PTPRQ: variants seen among roughly 807,000 people sequenced by gnomAD.
PTPRQ encodes phosphatidylinositol phosphatase PTPRQ.
A neutral mutation model predicts 246.0 loss-of-function variants in PTPRQ; 199 were observed. The observed-to-expected ratio is 0.81, with a 90% CI of 0.72 to 0.91. The LOEUF is 0.91. Among genes scored for constraint, PTPRQ ranks in the 40% least tolerant of loss-of-function variants. The pLI is 0.00. For missense variants in PTPRQ, 2,624 were observed against 2,528.4 expected (o/e 1.04, Z -0.81); for synonymous variants, 869 against 853.2 (o/e 1.02, Z -0.32).
At chr12:80,504,178 C>T (rs1382449499) in intron 14 of PTPRQ, among the ~76,000 whole-genome samples, 1 of 151,632 alleles carries the variant, frequency 6.6e-6, no homozygotes, top group East Asian at 1.9e-4. Flanking sequence ...TCTCAACTGC[C>T]ATTTTATATT....
At chr12:80,481,237 C>T (rs1311753607) in intron 8 of PTPRQ, among the ~76,000 whole-genome samples, 3 of 152,124 alleles carry the variant, frequency 2.0e-5, no homozygotes, top group Non-Finnish European at 4.4e-5. Context: ...AATCAATAAA[C>T]ATAATCCAGC....
In PTPRQ at chr12:80,669,352, A is replaced by T. The variant is rs1358326311; in HGVS notation, c.6341A>T (p.Gln2114Leu). Residue 2114 changes from glutamine (Q) to leucine (L), a missense_variant, in exon 41 of 45, where the codon CAG (glutamine) becomes CTG (leucine). Transcript: ENST00000644991. ...CFEKGRIRCH[Q>L]YWPEDNKPVT... ...CTCTGAATGCAGATCAGATGCCATC[A>T]GTATTGGCCAGAGGACAACAAGCCA... 6.5e-7 allele frequency: 1 copy of T among 1,549,252 alleles called. No homozygotes were observed. Among genetic ancestry groups the T allele is most frequent in the Admixed American group, 2.0e-5 (1 of 50,748 alleles).
chr12:80,555,024 G>A lies in PTPRQ; in HGVS notation c.4285+5290G>A, dbSNP rs11114508. Among the ~76,000 whole-genome samples, 572 of 152,038 alleles carry A rather than the reference G, an allele frequency of 3.8e-3. 34 individuals carry two copies. The East Asian group carries it at 0.093, about 25-fold the overall frequency. On this transcript the variant is annotated intron_variant, in intron 25 of 44. Transcript: ENST00000644991. Reference sequence around the variant, plus strand: ...CACCTCTCAGGTTCAAGCAATTCTCGTGCCTCAGGACTCCCAAGTAGCTGA... The same window carrying A: ...CACCTCTCAGGTTCAAGCAATTCTCATGCCTCAGGACTCCCAAGTAGCTGA...
chr12:80,605,035 A>T (rs1426582428), intron 26 of PTPRQ, 24 bp from the exon 27 acceptor site: 1 of 1,529,374 alleles, frequency 6.5e-7, no homozygotes, highest in South Asian at 1.3e-5. Context: ...ATGTAGCTAG[A>T]TAATTAATTT....
chr12:80,512,596 T>C (rs1488322118), intron 17 of PTPRQ: 3 of 152,364 alleles, frequency 2.0e-5, no homozygotes, highest in Non-Finnish European at 4.4e-5. Flanking sequence ...AATTCTGATG[T>C]CATATAGAAC....
chr12:80,534,982 G>A lies in PTPRQ; in HGVS notation c.2930G>A (p.Gly977Glu). The A allele has an allele frequency of 1.3e-6, 2 of 1,548,366 alleles. No individual in the cohort carries two copies. Among genetic ancestry groups the A allele is most frequent in the South Asian group, 1.2e-5 (1 of 83,276 alleles). The change falls in exon 19 of 45, where the codon GGG becomes GAG. Residue 977 changes from glycine (G) to glutamate (E), a missense_variant. Physicochemically the swap from Gly to Glu is moderately conservative, Grantham distance 98. Coordinates refer to ENST00000644991, the MANE Select transcript of PTPRQ (RefSeq NM_001145026.2). ...TGGACACCTCCTTCAAAACCTAATG[G>A]GATTATACAATATTACTCTGTTTAT... is the stretch of plus-strand genomic sequence containing the variant. ...LFWTPPSKPN[G>E]IIQYYSVYYR...
At chr12:80,474,595 G>A (rs1033361729) in intron 8 of PTPRQ, among the ~76,000 whole-genome samples, 2 of 152,116 alleles carry the variant, frequency 1.3e-5, no homozygotes, top group African/African-American at 4.8e-5. Context: ...TTGATGAGTA[G>A]ATTTCTGCAT....
intron 3 of PTPRQ, among the ~76,000 whole-genome samples, chr12:80,456,679 A>G (rs1892992461): frequency 6.6e-6 from 1 of 152,130 alleles, no homozygotes; most frequent in Non-Finnish European, 1.5e-5. Flanking sequence ...CACACTTTAT[A>G]AATCATTCTT....
intron 16 of PTPRQ, among the ~76,000 whole-genome samples, chr12:80,507,778 A>T (rs1415209158): frequency 6.6e-6 from 1 of 151,902 alleles, no homozygotes; most frequent in East Asian, 1.9e-4. Context: ...TTTTCTTCAT[A>T]AATAGATTCT....
chr12:80,483,695 A>G, intron 8 of PTPRQ, among the ~76,000 whole-genome samples: 1 of 133,526 alleles, frequency 7.5e-6, no homozygotes, highest in Non-Finnish European at 1.5e-5. Context: ...TCAAAGTGTC[A>G]TCTACATTAG....
At chr12:80,644,996 G>A (rs1371842343) in intron 35 of PTPRQ, among the ~76,000 whole-genome samples, 1 of 152,020 alleles carries the variant, frequency 6.6e-6, no homozygotes, top group African/African-American at 2.4e-5. Flanking sequence ...ACAAATGATT[G>A]TGACATAAGT....
chr12:80,492,274 C>T (rs565898233), intron 9 of PTPRQ, among the ~76,000 whole-genome samples: 87 of 151,934 alleles, frequency 5.7e-4, no homozygotes, highest in Non-Finnish European at 9.7e-4. Flanking sequence ...TGGACATTTC[C>T]ACCCATAAAA....
At chr12:80,492,371 C>A (rs1894477058) in intron 9 of PTPRQ, among the ~76,000 whole-genome samples, 1 of 151,966 alleles carries the variant, frequency 6.6e-6, no homozygotes, top group South Asian at 2.1e-4. Context: ...CCTTGATTAT[C>A]TTCACATCCT....
intron 23 of PTPRQ, among the ~76,000 whole-genome samples, chr12:80,544,714 T>C (rs1896253843): frequency 6.6e-6 from 1 of 152,150 alleles, no homozygotes; most frequent in African/African-American, 2.4e-5. Context: ...CTTTCTCTCC[T>C]AGTGTGTTCT....
chr12:80,571,791 A>T (rs1035446546), intron 25 of PTPRQ, among the ~76,000 whole-genome samples: 3 of 152,060 alleles, frequency 2.0e-5, no homozygotes, highest in Admixed American at 1.3e-4. Context: ...ATAAATAAAC[A>T]TAGGTCATAA....
Position 80,452,469 on chromosome 12 carries a change from T to G in PTPRQ, c.391-5106T>G, listed in dbSNP as rs370644457. Reference sequence around the variant, plus strand: ...CAGTTTCTTCCTAGCCTTGATGGTCTTTACAATTTGGCATGATTTTTCAGT... The same window carrying G: ...CAGTTTCTTCCTAGCCTTGATGGTCGTTACAATTTGGCATGATTTTTCAGT... On this transcript the variant is annotated intron_variant, in intron 3 of 44. Coordinates refer to ENST00000644991, the MANE Select transcript of PTPRQ (RefSeq NM_001145026.2). Among the ~76,000 whole-genome samples the G allele has an allele frequency of 2.6e-4, 40 of 152,364 alleles. No individual in the cohort carries two copies. The East Asian group carries it at 4.0e-3, about 15-fold the overall frequency.
intron 32 of PTPRQ, among the ~76,000 whole-genome samples, chr12:80,621,187 T>C (rs1223229864): frequency 6.6e-6 from 1 of 151,882 alleles, no homozygotes; most frequent in East Asian, 1.9e-4. Flanking sequence ...AAAATAATGC[T>C]TTATCATCTC....
At chr12:80,514,402 A>ACTCTCTCT (rs1350863785) in intron 17 of PTPRQ, among the ~76,000 whole-genome samples, 25 of 113,018 alleles carry the variant, frequency 2.2e-4, no homozygotes, top group South Asian at 6.5e-4. Context: ...ACACACACAC[A>ACTCTCTCT]CTCTCTCTCT....
rs150780081 is a variant in PTPRQ, at chr12:80,529,546, C to T, written c.2679-4469C>T. 9.9e-3 allele frequency among the ~76,000 whole-genome samples: 1,503 copies of T among 151,944 alleles called. 4 individuals carry two copies. The highest frequency in any genetic ancestry group is 0.016 in the Non-Finnish European group (1,078 of 67,950). ...ACTGTGGTTTGGGTATTCAGGATTC[C>T]TTCATAGGCCTAGCATGGACTTGGT... On this transcript the variant is annotated intron_variant, in intron 17 of 44. Coordinates refer to ENST00000644991, the MANE Select transcript of PTPRQ (RefSeq NM_001145026.2).
Sources: gnomAD v4.1 joint callset for allele counts (sites outside exome capture counted in the v4.1 genomes callset) on GRCh38, gnomAD v4.1.1 for gene constraint, MANE v1.5 for transcripts, NCBI Gene and HGNC (gene_info 2026-07-23, HGNC 2026-07-21) for gene names.